NF1: variants seen among roughly 807,000 people sequenced by gnomAD.
NF1 encodes neurofibromin.
Under a neutral mutation model 325.7 loss-of-function variants are expected in NF1, and 122 were observed. The ratio of observed to expected loss-of-function variants is 0.37; its 90% CI spans 0.32 to 0.44. NF1 has a LOEUF of 0.44. NF1 is among the 20% of genes least tolerant of loss of function. The pLI is 1.00. For missense variants in NF1, 2,140 were observed against 3,415.4 expected, an observed-to-expected ratio of 0.63 and a Z score of 9.31; for synonymous variants, 1,091 against 1,186.0, an observed-to-expected ratio of 0.92 and a Z score of 1.65.
chr17:31,142,283 T>G (rs1916272752), intron 1 of NF1, among the ~76,000 whole-genome samples: 1 of 152,214 alleles, frequency 6.6e-6, no homozygotes, highest in Admixed American at 6.5e-5. Flanking sequence ...ACCCAAAGAT[T>G]TCTATAATAT....
intron 13 of NF1, among the ~76,000 whole-genome samples, chr17:31,214,937 T>G (rs1396765338): frequency 6.6e-6 from 1 of 152,150 alleles, no homozygotes; most frequent in Non-Finnish European, 1.5e-5. Context: ...TCGATCACAG[T>G]GTCTACATCT....
chr17:31,122,401 A>C (rs891244644), intron 1 of NF1, among the ~76,000 whole-genome samples: 1 of 152,234 alleles, frequency 6.6e-6, no homozygotes, highest in Non-Finnish European at 1.5e-5. Flanking sequence ...AGTTATTCAT[A>C]AAGGACTTAA....
rs1567817981 is a variant in NF1, at chr17:31,163,349, A to G, written c.452A>G (p.Asn151Ser). 7 of 1,614,034 alleles carry G rather than the reference A, an allele frequency of 4.3e-6. No homozygotes were observed. The highest frequency in any genetic ancestry group is 5.9e-6 in the Non-Finnish European group (7 of 1,180,022). The stretch of plus-strand genomic sequence containing the variant: ...TTTTCTCTCAGCTGCAACAACTTCA[A>G]TGCAGTCTTTAGTCGCATTTCTACC... ...VLFSLSCNNF[N>S]AVFSRISTRL... The change falls in exon 4 of 58, where the codon AAT becomes AGT. Residue 151 changes from asparagine (N) to serine (S), a missense_variant. Transcript: ENST00000358273.
intron 1 of NF1, among the ~76,000 whole-genome samples, chr17:31,097,458 CCAAAAAAAAAAAAA>C (rs1311544348): frequency 3.1e-5 from 2 of 64,350 alleles, no homozygotes; most frequent in African/African-American, 8.0e-5. Context: ...ACTCTTGTCT[CCAAAAAAAAAAAAA>C]AAAAAAAAGG....
Position 31,159,057 on chromosome 17 carries a change from G to T in NF1, c.252G>T (p.Leu84Phe), listed in dbSNP as rs1597629835. 6.2e-7 allele frequency: 1 copy of T among 1,608,808 alleles called. No homozygotes were observed. Among genetic ancestry groups the T allele is most frequent in the Non-Finnish European group, 8.5e-7 (1 of 1,175,504 alleles). ...AAEKNLYLSQ[L>F]IILDTLEKCL... ...AAAAAAATTTATATCTCTCTCAGTTGATTATATTGGATACACTGGAAAAAT... is the reference window on the plus strand; with the variant it reads ...AAAAAAATTTATATCTCTCTCAGTTTATTATATTGGATACACTGGAAAAAT... Residue 84 changes from leucine to phenylalanine, a missense_variant, in exon 3 of 58, where the codon TTG (leucine) becomes TTT (phenylalanine). Physicochemically the swap from Leu to Phe is conservative, Grantham distance 22 (BLOSUM62 0). Transcript: ENST00000358273.
intron 30 of NF1, chr17:31,250,053 G>T: frequency 2.0e-6 from 1 of 489,832 alleles, no homozygotes; most frequent in Non-Finnish European, 4.0e-6. Flanking sequence ...GTTTGAGGCT[G>T]CTCTATGTGA....
At chr17:31,258,194 G>C in intron 31 of NF1, 150 bp from the exon 32 acceptor site, 1 of 780,556 alleles carries the variant, frequency 1.3e-6, no homozygotes, top group Non-Finnish European at 2.1e-6. Flanking sequence ...ATTTTCTCAT[G>C]TTTTGGGAGA....
intron 1 of NF1, among the ~76,000 whole-genome samples, chr17:31,095,833 A>T (rs1330068308): frequency 6.6e-6 from 1 of 151,928 alleles, no homozygotes; most frequent in Non-Finnish European, 1.5e-5. Flanking sequence ...GGCCTGTCTT[A>T]TATACCCTCA....
intron 19 of NF1, 40 bp downstream of exon 19, chr17:31,227,331 A>T (rs2067033558): frequency 1.2e-6 from 2 of 1,603,334 alleles, no homozygotes; most frequent in African/African-American, 1.3e-5. Flanking sequence ...CCAGGCGCCC[A>T]CCCTCAATTT....
chr17:31,122,295 G>A (rs1319531830), intron 1 of NF1, among the ~76,000 whole-genome samples: 4 of 152,144 alleles, frequency 2.6e-5, no homozygotes, highest in African/African-American at 2.4e-5. Flanking sequence ...AAGGAGGAAA[G>A]GAGGAGATTT....
intron 57 of NF1, among the ~76,000 whole-genome samples, chr17:31,365,278 C>CAAAAAAAAAAAAAAAAAAAAA (rs67659795): frequency 2.0e-5 from 2 of 101,118 alleles, no homozygotes; most frequent in African/African-American, 1.1e-4. Context: ...GAACCTATCT[C>CAAAAAAAAAAAAAAAAAAAAA]AAAAAAAAAA....
intron 25 of NF1, 77 bp downstream of exon 25, chr17:31,232,266 A>T (rs1325199679): frequency 2.9e-5 from 26 of 886,540 alleles, no homozygotes; most frequent in Middle Eastern, 2.2e-4. Context: ...CAAAGAAATA[A>T]TACCCATGAC....
intron 39 of NF1, among the ~76,000 whole-genome samples, chr17:31,333,058 A>T (rs1597837839): frequency 6.6e-6 from 1 of 152,130 alleles, no homozygotes; most frequent in East Asian, 1.9e-4. Context: ...TGAGGCCCCC[A>T]TCTCAAAAAG....
At position 31,096,624 on chromosome 17, in the gene NF1, C is replaced by T. The variant is rs563136777; in HGVS notation, c.60+1255C>T. 6.6e-4 allele frequency among the ~76,000 whole-genome samples: 101 copies of T among 152,022 alleles called. 1 individual carries two copies. Among genetic ancestry groups the T allele is most frequent in the African/African-American group, 2.3e-3 (94 of 41,404 alleles). ...TTGTTTACTGGATATAATGGTAAAA[C>T]ATTATGGGAGCTGAAGGGGTGGGGG... On this transcript the variant is annotated intron_variant, in intron 1 of 57. Coordinates refer to ENST00000358273, the MANE Select transcript of NF1 (RefSeq NM_001042492.3).
chr17:31,250,970 C>T (rs2067483917), intron 30 of NF1: 1 of 192,072 alleles, frequency 5.2e-6, no homozygotes, highest in African/African-American at 2.3e-5. Context: ...TGGGTAAAAG[C>T]ATTGTTGAAG....
At chr17:31,323,970 C>G (rs866800881) in intron 36 of NF1, among the ~76,000 whole-genome samples, 1 of 152,076 alleles carries the variant, frequency 6.6e-6, no homozygotes, top group African/African-American at 2.4e-5. Flanking sequence ...ATATTTTTAT[C>G]TTATTTTCTC....
intron 36 of NF1, among the ~76,000 whole-genome samples, chr17:31,275,342 A>C (rs1489489146): frequency 6.6e-6 from 1 of 152,222 alleles, no homozygotes; most frequent in Non-Finnish European, 1.5e-5. Context: ...ACAGTGCTGC[A>C]TTAGTCAACC....
chr17:31,197,278 C>T (rs1298197020), intron 8 of NF1, among the ~76,000 whole-genome samples: 3 of 150,830 alleles, frequency 2.0e-5, no homozygotes, highest in East Asian at 3.9e-4. Flanking sequence ...CATCTCCTGA[C>T]CTCGTGATCT....
chr17:31,121,395 C>CTTTTTTTTTTTTTTTT (rs71142019), intron 1 of NF1, among the ~76,000 whole-genome samples: 3 of 92,510 alleles, frequency 3.2e-5, no homozygotes, highest in African/African-American at 1.3e-4. Context: ...AATCACTATT[C>CTTTTTTTTTTTTTTTT]TTTTTTTTTT....
Sources: gnomAD v4.1 joint callset for allele counts (sites outside exome capture counted in the v4.1 genomes callset) on GRCh38, gnomAD v4.1.1 for gene constraint, MANE v1.5 for transcripts, NCBI Gene and HGNC (gene_info 2026-07-23, HGNC 2026-07-21) for gene names.